The following SVOPL variants were observed in gnomAD, a reference collection of about 807,000 sequenced individuals.
SVOPL encodes putative transporter SVOPL.
Under a neutral mutation model 61.0 loss-of-function variants are expected in SVOPL, and 60 were observed. The ratio of observed to expected loss-of-function variants is 0.98; its 90% CI spans 0.80 to 1.22. The LOEUF (loss-of-function observed/expected upper bound fraction) is 1.22. SVOPL is among the 50% of genes most tolerant of loss of function. The pLI, the probability that SVOPL is intolerant of heterozygous loss-of-function variation, is 0.00. For missense variants in SVOPL, 662 were observed against 643.9 expected (o/e 1.03, Z -0.30); for synonymous variants, 279 against 250.0 (o/e 1.12, Z -1.09).
intron 14 of SVOPL, among the ~76,000 whole-genome samples, chr7:138,601,421 C>G (rs1344921514): frequency 6.6e-6 from 1 of 151,852 alleles, no homozygotes; most frequent in Admixed American, 6.6e-5. Flanking sequence ...AAAGAAGAGT[C>G]CGCCTTGAAA....
chr7:138,666,517 G>A (rs1451240314), intron 4 of SVOPL, among the ~76,000 whole-genome samples: 2 of 152,162 alleles, frequency 1.3e-5, no homozygotes, highest in African/African-American at 4.8e-5. Flanking sequence ...AGGGTTCAGG[G>A]TCTGGCAGAC....
At chr7:138,660,988 T>C (rs1443392240) in intron 5 of SVOPL, 1 of 982,792 alleles carries the variant, frequency 1.0e-6, no homozygotes, top group African/African-American at 1.7e-5. Context: ...TGTACTTTAA[T>C]GTTTTTTCAA....
At chr7:138,637,291 G>C (rs907097774) in intron 9 of SVOPL, among the ~76,000 whole-genome samples, 4 of 151,808 alleles carry the variant, frequency 2.6e-5, no homozygotes, top group African/African-American at 9.7e-5. Flanking sequence ...AGTTAGGTGT[G>C]GTGGTACAAG....
intron 14 of SVOPL, among the ~76,000 whole-genome samples, chr7:138,620,051 C>A (rs1212496108): frequency 6.6e-6 from 1 of 151,682 alleles, no homozygotes; most frequent in African/African-American, 2.4e-5. Flanking sequence ...CGGCCTCATT[C>A]CTGCCTTTTT....
intron 1 of SVOPL, among the ~76,000 whole-genome samples, chr7:138,693,529 A>AAAAGAAAAAGAAAGAAAGAAAG (rs768042193): frequency 1.5e-4 from 18 of 117,190 alleles, no homozygotes; most frequent in African/African-American, 5.8e-4. Flanking sequence ...AAAAGAAAGA[A>AAAAGAAAAAGAAAGAAAGAAAG]AAAGAAAGAA....
chr7:138,648,957 G>A, intron 8 of SVOPL, 55 bp downstream of exon 8: 3 of 1,607,800 alleles, frequency 1.9e-6, no homozygotes, highest in Non-Finnish European at 2.5e-6. Context: ...GGGGCATGAA[G>A]GCCACTGGAC....
At chr7:138,666,694 T>C (rs1312237691) in intron 4 of SVOPL, among the ~76,000 whole-genome samples, 1 of 151,664 alleles carries the variant, frequency 6.6e-6, no homozygotes. Context: ...ACAAACTGTT[T>C]GTTTTCTGTA....
At chr7:138,621,403 G>C (rs1799558489) in intron 13 of SVOPL, among the ~76,000 whole-genome samples, 1 of 152,178 alleles carries the variant, frequency 6.6e-6, no homozygotes, top group Non-Finnish European at 1.5e-5. Flanking sequence ...TATAATTTTA[G>C]AAAGACAAGC....
chr7:138,675,469 C>G (rs62485331), intron 3 of SVOPL, among the ~76,000 whole-genome samples: 3,495 of 151,856 alleles, frequency 0.023, 56 homozygotes, highest in Non-Finnish European at 0.037. Context: ...TTCTCCTGAC[C>G]CTGCCTTCCG....
At chr7:138,675,267 AAT>A (rs1362606451) in intron 3 of SVOPL, among the ~76,000 whole-genome samples, 11 of 152,096 alleles carry the variant, frequency 7.2e-5, no homozygotes, top group African/African-American at 2.4e-5. Context: ...AAGAAAAAAA[AAT>A]AGACTGTTGC....
At chr7:138,662,654 T>C in intron 5 of SVOPL, 6 of 1,002,396 alleles carry the variant, frequency 6.0e-6, no homozygotes, top group Non-Finnish European at 7.1e-6. Flanking sequence ...GGAGAACAGA[T>C]GTGTGCCCCC....
chr7:138,614,846 C>T (rs1799218098), intron 14 of SVOPL, among the ~76,000 whole-genome samples: 2 of 152,228 alleles, frequency 1.3e-5, no homozygotes, highest in Non-Finnish European at 2.9e-5. Flanking sequence ...TTTCCACTGA[C>T]ATCTCTTTGA....
intron 1 of SVOPL, among the ~76,000 whole-genome samples, chr7:138,695,091 A>T (rs1268651070): frequency 1.3e-5 from 2 of 152,232 alleles, no homozygotes; most frequent in Admixed American, 1.3e-4. Flanking sequence ...GATTTCAGCA[A>T]AGATGTTATC....
chr7:138,699,376 A>C (rs1248286590), intron 1 of SVOPL, among the ~76,000 whole-genome samples: 1 of 152,202 alleles, frequency 6.6e-6, no homozygotes, highest in Non-Finnish European at 1.5e-5. Flanking sequence ...TGTCTCCAAA[A>C]GGCATTTATT....
At chr7:138,602,474 T>TGTAG (rs1381870079) in intron 14 of SVOPL, among the ~76,000 whole-genome samples, 13 of 150,154 alleles carry the variant, frequency 8.7e-5, no homozygotes, top group African/African-American at 2.9e-4. Context: ...TATATATATA[T>TGTAG]ATGTAGATGT....
At chr7:138,689,548 A>T in intron 1 of SVOPL, 1 of 540,300 alleles carries the variant, frequency 1.9e-6, no homozygotes, top group Non-Finnish European at 3.2e-6. Context: ...AATAAATGAA[A>T]TTAAAAGTAA....
At chr7:138,622,270 G>GTATCTATCTATCTATCTATCTATC (rs1224085695) in intron 13 of SVOPL, among the ~76,000 whole-genome samples, 2 of 83,736 alleles carry the variant, frequency 2.4e-5, no homozygotes, top group Admixed American at 1.2e-4. Context: ...ATCTATCTAT[G>GTATCTATCTATCTATCTATCTATC]TATCTATCTA....
intron 1 of SVOPL, among the ~76,000 whole-genome samples, chr7:138,700,480 A>G (rs182320994): frequency 7.9e-5 from 12 of 151,750 alleles, no homozygotes; most frequent in Admixed American, 5.9e-4. Context: ...CTGGGATTAC[A>G]GGCACCCACC....
intron 1 of SVOPL, among the ~76,000 whole-genome samples, chr7:138,698,898 C>G (rs377704277): frequency 1.8e-4 from 27 of 152,268 alleles, no homozygotes; most frequent in African/African-American, 4.8e-4. Context: ...CACCTGTAAT[C>G]CCAGCACTTT....
Sources: gnomAD v4.1 joint callset for allele counts (sites outside exome capture counted in the v4.1 genomes callset) on GRCh38, gnomAD v4.1.1 for gene constraint, MANE v1.5 for transcripts, NCBI Gene and HGNC (gene_info 2026-07-23, HGNC 2026-07-21) for gene names.